Variants in PARD3B observed in about 807,000 individuals in gnomAD.
PARD3B encodes par-3 family cell polarity regulator beta, also known as partitioning defective 3 homolog B.
A neutral mutation model predicts 130.2 loss-of-function variants in PARD3B; 103 were observed. That is an observed-to-expected ratio of 0.79 (90% CI 0.67 to 0.93). The LOEUF is 0.93. PARD3B is among the 40% of genes least tolerant of loss of function. The probability of loss-of-function intolerance (pLI) is 0.00; values close to 1 mark genes in which losing one functional copy is unlikely to be tolerated. For synonymous variants in PARD3B, 583 were observed against 553.2 expected (o/e 1.05, Z -0.76); for missense variants, 1,609 against 1,499.2 (o/e 1.07, Z -1.21).
intron 2 of PARD3B, among the ~76,000 whole-genome samples, chr2:204,712,719 G>A (rs2038516481): frequency 6.7e-6 from 1 of 150,284 alleles, no homozygotes; most frequent in African/African-American, 2.4e-5. Context: ...GATAGATAAA[G>A]CAATCAAAGA....
In PARD3B at chr2:205,617,403, T is replaced by C. The variant is rs757242372; in HGVS notation, c.*1590T>C. The C allele has an allele frequency of 6.6e-6, 1 of 152,208 alleles. No individual in the cohort carries two copies. The highest frequency in any genetic ancestry group is 2.4e-5 in the African/African-American group (1 of 41,462). 9.4% of individuals were successfully genotyped at this position (152,208 alleles called of 1,614,324 possible). A position where few individuals can be genotyped will look rare whatever the true frequency, so the allele number is the denominator to read the frequency against. ...ATTTTGGCTGAGATTAGCATACCTC[T>C]GACTCACAGGATTTAATAAATTATA... On this transcript the variant is annotated 3_prime_UTR_variant, in exon 23 of 23. Transcript: ENST00000406610.
intron 16 of PARD3B, among the ~76,000 whole-genome samples, chr2:205,251,190 T>C (rs1451594933): frequency 3.3e-5 from 5 of 152,164 alleles, no homozygotes; most frequent in Non-Finnish European, 7.4e-5. Context: ...ACCAAACTAC[T>C]GTAGTTCCTT....
chr2:205,342,049 C>G (rs1276202702), intron 18 of PARD3B, among the ~76,000 whole-genome samples: 1 of 152,096 alleles, frequency 6.6e-6, no homozygotes, highest in Non-Finnish European at 1.5e-5. Context: ...GGGCATGGAA[C>G]TGTGTCTGTT....
At position 205,209,800 on chromosome 2, in the gene PARD3B, T is replaced by TA. The variant is rs137880769; in HGVS notation, c.2140+16489dup. Among the ~76,000 whole-genome samples the TA allele has an allele frequency of 7.8e-3, 1,172 of 150,998 alleles. 17 individuals carry two copies. Among genetic ancestry groups the TA allele is most frequent in the Middle Eastern group, 0.014 (4 of 282 alleles). On this transcript the variant is annotated intron_variant, in intron 15 of 22. Transcript: ENST00000406610. ...AGTTTGTTCTTTAAAAAGCAAAATA[T>TA]AAAAAAAAATTAGAATGAATGAATA...
rs543828666 is a variant in PARD3B, at chr2:204,678,152, G to C, written c.121-8029G>C. 7.9e-5 allele frequency among the ~76,000 whole-genome samples: 12 copies of C among 152,236 alleles called. No individual in the cohort carries two copies. In the East Asian group the frequency reaches 2.3e-3, roughly 29 times the overall value. On this transcript the variant is annotated intron_variant, in intron 1 of 22. Coordinates refer to ENST00000406610, the MANE Select transcript of PARD3B (RefSeq NM_001302769.2). This position sits in a 1 kb window ranked among gnomAD's most constrained non-coding sequence, Gnocchi z 4.2. ...GATGAGGGGTGGCTCCTTTGCAGCC[G>C]AGCTCAAACCGCTTGTGGGAGGGGG...
chr2:205,164,820 T>TACACACACACACAC (rs1306291172), intron 11 of PARD3B, among the ~76,000 whole-genome samples: 2 of 84,364 alleles, frequency 2.4e-5, no homozygotes, highest in African/African-American at 5.9e-5. Context: ...CATATATATG[T>TACACACACACACAC]ATACACACAC....
At chr2:205,381,707 G>A (rs2045456005) in intron 18 of PARD3B, among the ~76,000 whole-genome samples, 2 of 151,990 alleles carry the variant, frequency 1.3e-5, no homozygotes, top group Non-Finnish European at 2.9e-5. Context: ...AGAGTGGTAT[G>A]TATTGGTAGA....
chr2:204,996,569 C>T (rs1034889505), intron 3 of PARD3B, among the ~76,000 whole-genome samples: 1 of 151,670 alleles, frequency 6.6e-6, no homozygotes, highest in African/African-American at 2.4e-5. Context: ...GTGGAGCCTA[C>T]AGAGGCAGGC....
rs553910852 is a variant in PARD3B at position 205,389,477 on chromosome 2, C to G, written c.2631-11536C>G. 8.5e-5 allele frequency among the ~76,000 whole-genome samples: 13 copies of G among 152,234 alleles called. No homozygotes were observed. The South Asian group carries it at 2.7e-3, about 32-fold the overall frequency. ...TCCCAGGTTCAAGGGATTCTTTTGC[C>G]TCAGCCTCCCAAGTAGCTGGGATTA... On this transcript the variant is annotated intron_variant, in intron 18 of 22. Coordinates refer to ENST00000406610, the MANE Select transcript of PARD3B (RefSeq NM_001302769.2).
At chr2:205,120,443 G>A (rs1027075247) in intron 7 of PARD3B, among the ~76,000 whole-genome samples, 49 of 152,164 alleles carry the variant, frequency 3.2e-4, no homozygotes, top group African/African-American at 1.2e-3. Context: ...CAGAAAGGGG[G>A]GTGCGGGGTA....
intron 6 of PARD3B, among the ~76,000 whole-genome samples, chr2:205,114,382 T>C (rs1222717601): frequency 6.6e-6 from 1 of 152,118 alleles, no homozygotes; most frequent in East Asian, 1.9e-4. Context: ...TTGACAAGGG[T>C]TGTCAGAAAC....
chr2:204,564,059 C>A (rs2031518950), intron 1 of PARD3B, among the ~76,000 whole-genome samples: 1 of 152,168 alleles, frequency 6.6e-6, no homozygotes, highest in Non-Finnish European at 1.5e-5. Context: ...CAGGCGTGAG[C>A]CACTGCGCCC....
chr2:205,141,320 A>G (rs2032933384), intron 10 of PARD3B, among the ~76,000 whole-genome samples: 1 of 152,252 alleles, frequency 6.6e-6, no homozygotes, highest in Non-Finnish European at 1.5e-5. Context: ...TGTCAGAGCA[A>G]CTTTTAGTTG....
Position 205,558,544 on chromosome 2 carries a change from G to A in PARD3B, c.3260+5141G>A, listed in dbSNP as rs896191004. Reference sequence around the variant, plus strand: ...TCCCACATTTCCTAAGAAAAAGTGGGCTATACCTGTTGGTTCTATTTCCAC... The same window carrying A: ...TCCCACATTTCCTAAGAAAAAGTGGACTATACCTGTTGGTTCTATTTCCAC... On this transcript the variant is annotated intron_variant, in intron 22 of 22. Coordinates refer to ENST00000406610, the MANE Select transcript of PARD3B (RefSeq NM_001302769.2). The surrounding 1 kb of genome is among the most constrained non-coding windows in gnomAD (Gnocchi z 4.8). Among the ~76,000 whole-genome samples, 3 of 152,098 alleles carry A rather than the reference G, an allele frequency of 2.0e-5. No individual in the cohort carries two copies. The highest frequency in any genetic ancestry group is 2.4e-5 in the African/African-American group (1 of 41,392).
At chr2:205,555,134 T>G (rs6435290) in intron 22 of PARD3B, among the ~76,000 whole-genome samples, 1 of 151,816 alleles carries the variant, frequency 6.6e-6, no homozygotes. Flanking sequence ...TGAGAGGGAG[T>G]AAAAAAAGGA....
rs896907230 is a variant in PARD3B, at chr2:205,146,814, G to A, written c.1435-11908G>A. ...GCGATCTCAGCTCAGTGCATCCTTC[G>A]CCTCCCGGGTTGGAGCGATTCTCCT... On this transcript the variant is annotated intron_variant, in intron 10 of 22. Coordinates refer to ENST00000406610, the MANE Select transcript of PARD3B (RefSeq NM_001302769.2). The surrounding 1 kb of genome is among the most constrained non-coding windows in gnomAD (Gnocchi z 4.3). Among the ~76,000 whole-genome samples, 8 of 151,664 alleles carry A rather than the reference G, an allele frequency of 5.3e-5. No homozygotes were observed. Among genetic ancestry groups the A allele is most frequent in the Admixed American group, 3.9e-4 (6 of 15,214 alleles).
At position 205,321,499 on chromosome 2, in the gene PARD3B, C is replaced by T. The variant is rs868421277; in HGVS notation, c.2630+19798C>T. Among the ~76,000 whole-genome samples, 14 of 152,096 alleles carry T rather than the reference C, an allele frequency of 9.2e-5. No individual in the cohort carries two copies. Among genetic ancestry groups the T allele is most frequent in the African/African-American group, 3.1e-4 (13 of 41,504 alleles). ...CTTTCCCTCTCTCTCTCTCTCCCCC[C>T]GCCCATATGAATGTATATGCACAAA... On this transcript the variant is annotated intron_variant, in intron 18 of 22. Transcript: ENST00000406610. This position sits in a 1 kb window ranked among gnomAD's most constrained non-coding sequence, Gnocchi z 4.2.
rs75467524 is a variant in PARD3B, at chr2:204,666,511, A to G, written c.121-19670A>G. ...GATGTAGAGAAACCAATAGGTGGCT[A>G]TTGCTGTAGTGAGAGCAAGAGATGA... On this transcript the variant is annotated intron_variant, in intron 1 of 22. Coordinates refer to ENST00000406610, the MANE Select transcript of PARD3B (RefSeq NM_001302769.2). Among the ~76,000 whole-genome samples, 1,014 of 152,294 alleles carry G rather than the reference A, an allele frequency of 6.7e-3. 11 individuals are homozygous for G. Among genetic ancestry groups the G allele is most frequent in the African/African-American group, 0.023 (952 of 41,574 alleles).
rs897739025 is a variant in PARD3B, at chr2:205,142,498, T to C, written c.1435-16224T>C. ...GCATAACGAATACTTACTAGATGCA[T>C]ACATTCTGCTGGATGCTAAACAGGA... On this transcript the variant is annotated intron_variant, in intron 10 of 22. Coordinates refer to ENST00000406610, the MANE Select transcript of PARD3B (RefSeq NM_001302769.2). The surrounding 1 kb of genome is among the most constrained non-coding windows in gnomAD (Gnocchi z 4.3). 3.3e-4 allele frequency among the ~76,000 whole-genome samples: 50 copies of C among 152,172 alleles called. No homozygotes were observed. Among genetic ancestry groups the C allele is most frequent in the African/African-American group, 1.2e-3 (49 of 41,440 alleles).
Sources: allele counts gnomAD v4.1 joint callset (sites outside exome capture counted in the v4.1 genomes callset), GRCh38; gene constraint gnomAD v4.1.1; non-coding constraint Gnocchi (gnomAD v3.1); transcripts MANE v1.5; gene names NCBI Gene and HGNC (gene_info 2026-07-23, HGNC 2026-07-21).